The following GUCY1A2 variants were observed in gnomAD, a reference collection of about 807,000 sequenced individuals.
GUCY1A2 encodes the protein guanylate cyclase 1 soluble subunit alpha 2, also known as guanylate cyclase soluble subunit alpha-2.
Under a neutral mutation model 63.5 loss-of-function variants are expected in GUCY1A2, and 27 were observed. The observed-to-expected ratio is 0.43, with a 90% confidence interval of 0.31 to 0.59. The LOEUF (loss-of-function observed/expected upper bound fraction) is 0.59, where lower values mean the gene tolerates loss of function less well. GUCY1A2 is among the 20% of genes least tolerant of loss of function. The pLI is 0.11. For synonymous variants in GUCY1A2, 364 were observed against 343.5 expected, an observed-to-expected ratio of 1.06 and a Z score of -0.66; for missense variants, 768 against 913.3, an observed-to-expected ratio of 0.84 and a Z score of 2.05.
intron 6 of GUCY1A2, among the ~76,000 whole-genome samples, chr11:106,747,281 C>T (rs2135382777): frequency 6.8e-6 from 1 of 147,834 alleles, no homozygotes; most frequent in African/African-American, 2.4e-5. Flanking sequence ...AGCCACCGCG[C>T]CCGGCCCATG....
intron 4 of GUCY1A2, among the ~76,000 whole-genome samples, chr11:106,902,233 T>G (rs542144442): frequency 6.6e-6 from 1 of 152,196 alleles, no homozygotes; most frequent in South Asian, 2.1e-4. Context: ...TACTGAGCGG[T>G]AAGTCTTAAA....
intron 4 of GUCY1A2, among the ~76,000 whole-genome samples, chr11:106,895,375 G>A (rs948005716): frequency 6.6e-6 from 1 of 152,098 alleles, no homozygotes; most frequent in African/African-American, 2.4e-5. Context: ...GAGAATACTT[G>A]TGATATGGTT....
intron 1 of GUCY1A2, among the ~76,000 whole-genome samples, chr11:106,991,427 G>C (rs1281822760): frequency 6.6e-6 from 1 of 152,060 alleles, no homozygotes; most frequent in Non-Finnish European, 1.5e-5. Context: ...AAAATCACTT[G>C]GGGATCTTTA....
rs115351104 is a variant in GUCY1A2 at position 106,992,889 on chromosome 11, G to A, written c.304-6758C>T. On this transcript the variant is annotated intron_variant, in intron 1 of 7. Transcript: ENST00000526355. ...TTTCCCCACCCTCTGAGCACCCGGC[G>A]TCTTTGTGTTCCTTTCTGTTAGGCC... 4.1e-3 allele frequency among the ~76,000 whole-genome samples: 622 copies of A among 152,038 alleles called. 6 individuals are homozygous for A. The highest frequency in any genetic ancestry group is 0.014 in the African/African-American group (596 of 41,472).
chr11:106,964,443 G>A (rs960887251), intron 3 of GUCY1A2, among the ~76,000 whole-genome samples: 17 of 152,218 alleles, frequency 1.1e-4, no homozygotes, highest in East Asian at 9.7e-4. Context: ...TGACCACTAG[G>A]TACCTACATT....
Position 106,917,033 on chromosome 11 carries a change from T to C in GUCY1A2, c.1206+22427A>G, listed in dbSNP as rs537840966. ...AAAACAAAATAAGCAATTAGGCCCA[T>C]GCCTTCATGTCACTAACATCTTAGT... On this transcript the variant is annotated intron_variant, in intron 4 of 7. Transcript: ENST00000526355. Among the ~76,000 whole-genome samples, 4 of 145,750 alleles carry C rather than the reference T, an allele frequency of 2.7e-5. 1 individual carries two copies. Among genetic ancestry groups the C allele is most frequent in the Admixed American group, 1.4e-4 (2 of 14,656 alleles).
chr11:106,785,487 A>ATG (rs976225080), intron 5 of GUCY1A2, among the ~76,000 whole-genome samples: 21 of 151,728 alleles, frequency 1.4e-4, no homozygotes, highest in East Asian at 5.8e-4. Flanking sequence ...TATCATGTTA[A>ATG]TGTGTGTGTG....
At chr11:106,739,026 A>G (rs1287062128) in intron 6 of GUCY1A2, among the ~76,000 whole-genome samples, 1 of 152,220 alleles carries the variant, frequency 6.6e-6, no homozygotes, top group Non-Finnish European at 1.5e-5. Flanking sequence ...ATCCACGAGC[A>G]TGGAATGTTT....
intron 6 of GUCY1A2, among the ~76,000 whole-genome samples, chr11:106,768,093 A>C (rs2135396618): frequency 6.6e-6 from 1 of 152,296 alleles, no homozygotes; most frequent in East Asian, 1.9e-4. Flanking sequence ...GCAGTTTACA[A>C]AATGATTGAT....
intron 4 of GUCY1A2, among the ~76,000 whole-genome samples, chr11:106,833,538 T>C (rs189813274): frequency 1.3e-5 from 2 of 152,230 alleles, no homozygotes; most frequent in East Asian, 3.9e-4. Context: ...TCTACCGTAC[T>C]ATTTATTTTA....
chr11:106,976,250 C>T (rs1861260603), intron 3 of GUCY1A2, among the ~76,000 whole-genome samples: 1 of 151,644 alleles, frequency 6.6e-6, no homozygotes, highest in Non-Finnish European at 1.5e-5. Flanking sequence ...CTTCTGCCAT[C>T]CAAAAAAAAA....
At chr11:106,696,690 T>C (rs931960370) in intron 7 of GUCY1A2, among the ~76,000 whole-genome samples, 1 of 152,074 alleles carries the variant, frequency 6.6e-6, no homozygotes, top group African/African-American at 2.4e-5. Flanking sequence ...TAGGAAAATA[T>C]TTGGAGGCTA....
intron 4 of GUCY1A2, among the ~76,000 whole-genome samples, chr11:106,938,872 T>G (rs1180002711): frequency 6.6e-6 from 1 of 152,222 alleles, no homozygotes; most frequent in Admixed American, 6.5e-5. Context: ...CTTCACTTTA[T>G]TCTCTCAACT....
intron 7 of GUCY1A2, among the ~76,000 whole-genome samples, chr11:106,704,065 ACTAT>A (rs887582935): frequency 1.3e-5 from 2 of 152,124 alleles, no homozygotes; most frequent in African/African-American, 2.4e-5. Context: ...TAAACTGATT[ACTAT>A]CTCAGCTCTT....
At chr11:106,956,018 T>A (rs534805251) in intron 3 of GUCY1A2, among the ~76,000 whole-genome samples, 19 of 151,966 alleles carry the variant, frequency 1.3e-4, no homozygotes, top group African/African-American at 4.1e-4. Context: ...CTTGTCTGCA[T>A]GTCTTATTTC....
At chr11:106,864,781 G>A (rs1859567733) in intron 4 of GUCY1A2, among the ~76,000 whole-genome samples, 1 of 152,070 alleles carries the variant, frequency 6.6e-6, no homozygotes, top group Admixed American at 6.6e-5. Context: ...GATCATGGTG[G>A]ATAAAGCTTT....
At chr11:106,749,785 A>G (rs1210591010) in intron 6 of GUCY1A2, among the ~76,000 whole-genome samples, 2 of 151,882 alleles carry the variant, frequency 1.3e-5, no homozygotes, top group Admixed American at 1.3e-4. Flanking sequence ...CTCATTCCTG[A>G]CCCTGGGATC....
chr11:106,868,712 C>T (rs1352678290), intron 4 of GUCY1A2, among the ~76,000 whole-genome samples: 3 of 152,144 alleles, frequency 2.0e-5, no homozygotes, highest in Admixed American at 1.3e-4. Flanking sequence ...ATGCCATGCC[C>T]ATCAAGCTAC....
intron 5 of GUCY1A2, among the ~76,000 whole-genome samples, chr11:106,783,504 TG>T (rs1188556646): frequency 6.6e-6 from 1 of 152,162 alleles, no homozygotes; most frequent in African/African-American, 2.4e-5. Context: ...TTTCAGGAGT[TG>T]GGCTAGAGAT....
Sources: gnomAD v4.1 joint callset for allele counts (sites outside exome capture counted in the v4.1 genomes callset) on GRCh38, gnomAD v4.1.1 for gene constraint, MANE v1.5 for transcripts, NCBI Gene and HGNC (gene_info 2026-07-23, HGNC 2026-07-21) for gene names.